RGCC: variants seen among roughly 807,000 people sequenced by gnomAD.
RGCC encodes regulator of cell cycle RGCC.
A neutral mutation model predicts 15.4 loss-of-function variants in RGCC; 15 were observed. The observed-to-expected ratio is 0.97, with a 90% confidence interval of 0.65 to 1.50. The LOEUF is 1.50. RGCC is among the 40% of genes most tolerant of loss of function. The pLI is 0.00. For synonymous variants in RGCC, 81 were observed against 78.0 expected (o/e 1.04, Z -0.20); for missense variants, 176 against 189.7 (o/e 0.93, Z 0.42).
At position 41,458,837 on chromosome 13, in the gene RGCC, G is replaced by A. The variant is rs182831269; in HGVS notation, c.235+367G>A. On this transcript the variant is annotated intron_variant, in intron 2 of 4. Transcript: ENST00000379359. The surrounding 1 kb of genome is among the most constrained non-coding windows in gnomAD (Gnocchi z 4.4). ...TGCAGATGTGGAACAAGTGCCAGTGGAATGAGGGGGCACAGTGGGGACATG... is the reference window on the plus strand; with the variant it reads ...TGCAGATGTGGAACAAGTGCCAGTGAAATGAGGGGGCACAGTGGGGACATG... Among the ~76,000 whole-genome samples, 1 of 152,290 alleles carries A rather than the reference G, an allele frequency of 6.6e-6. No homozygotes were observed. The highest frequency in any genetic ancestry group is 6.5e-5 in the Admixed American group (1 of 15,308).
rs570116579 is a variant in RGCC at position 41,457,571 on chromosome 13, G to A, written c.-137G>A. 6 of 1,377,594 alleles carry A rather than the reference G, an allele frequency of 4.4e-6. No homozygotes were observed. Among genetic ancestry groups the A allele is most frequent in the Non-Finnish European group, 2.8e-6 (3 of 1,062,618 alleles). 85.3% of individuals were successfully genotyped at this position (1,377,594 alleles called of 1,614,324 possible). A position where few individuals can be genotyped will look rare whatever the true frequency, so the allele number is the denominator to read the frequency against. ...TGGTAGGGCGGGCGCGGACCGTGCT[G>A]GGAGCGGCGCGGCTGGAGCGCAGCG... On this transcript the variant is annotated 5_prime_UTR_variant, in exon 1 of 5. Coordinates refer to ENST00000379359, the MANE Select transcript of RGCC (RefSeq NM_014059.3). This position sits in a 1 kb window ranked among gnomAD's most constrained non-coding sequence, Gnocchi z 4.9.
chr13:41,464,897 T>A (rs2043839859), intron 2 of RGCC, among the ~76,000 whole-genome samples: 1 of 150,792 alleles, frequency 6.6e-6, no homozygotes, highest in Non-Finnish European at 1.5e-5. Context: ...TTTGGAAAAG[T>A]GGACAAGATG....
intron 2 of RGCC, among the ~76,000 whole-genome samples, chr13:41,462,660 T>C (rs920435001): frequency 6.6e-6 from 1 of 152,184 alleles, no homozygotes; most frequent in Non-Finnish European, 1.5e-5. Context: ...TACATGAATA[T>C]GTGATCAGCC....
chr13:41,466,703 A>C, intron 2 of RGCC, 120 bp from the exon 3 acceptor site: 4 of 699,400 alleles, frequency 5.7e-6, no homozygotes, highest in Non-Finnish European at 4.9e-6. Context: ...TTTCTTTACT[A>C]TAGAGTTGCA....
In RGCC at chr13:41,466,221, TCACA is replaced by T. The variant is rs367857777; in HGVS notation, c.236-595_236-592del. 7.4e-5 allele frequency among the ~76,000 whole-genome samples: 11 copies of T among 147,774 alleles called. No homozygotes were observed. In the South Asian group the frequency reaches 2.2e-3, roughly 29 times the overall value. ...CACACTCATACACTCACACACTTTC[TCACA>T]CACACATATTCTCACACACACCCAC... On this transcript the variant is annotated intron_variant, in intron 2 of 4. Transcript: ENST00000379359.
intron 2 of RGCC, among the ~76,000 whole-genome samples, chr13:41,459,222 G>A (rs1380694670): frequency 6.6e-6 from 1 of 152,188 alleles, no homozygotes; most frequent in Non-Finnish European, 1.5e-5. Flanking sequence ...GAACTCACAT[G>A]TCCTGGGAGG....
At chr13:41,459,157 CT>C (rs1260452630) in intron 2 of RGCC, among the ~76,000 whole-genome samples, 2 of 152,174 alleles carry the variant, frequency 1.3e-5, no homozygotes, top group Non-Finnish European at 2.9e-5. Context: ...TCCTGAACAA[CT>C]TTGTCAACAA....
intron 2 of RGCC, among the ~76,000 whole-genome samples, chr13:41,461,651 G>T (rs936567872): frequency 6.6e-6 from 1 of 152,188 alleles, no homozygotes; most frequent in Admixed American, 6.5e-5. Flanking sequence ...TGTATGCTAG[G>T]GTTATTATGA....
intron 2 of RGCC, 117 bp from the exon 3 acceptor site, chr13:41,466,706 G>A: frequency 1.4e-6 from 1 of 720,924 alleles, no homozygotes; most frequent in Middle Eastern, 3.1e-4. Context: ...CTTTACTATA[G>A]AGTTGCAGCT....
In RGCC at chr13:41,470,538, G is replaced by A. The variant is rs1394015051; in HGVS notation, c.*53G>A. 8.8e-6 allele frequency: 14 copies of A among 1,583,600 alleles called. No homozygotes were observed. The highest frequency in any genetic ancestry group is 1.7e-4 in the Middle Eastern group (1 of 6,022). On this transcript the variant is annotated 3_prime_UTR_variant, in exon 5 of 5. Coordinates refer to ENST00000379359, the MANE Select transcript of RGCC (RefSeq NM_014059.3). ...TAAGGGAGAAGCTTCAGAAAGTTCC[G>A]AGGACCTGCTAAAATCAGCTACTAG...
At chr13:41,469,955 AC>A (rs1234261995) in intron 4 of RGCC, among the ~76,000 whole-genome samples, 1 of 152,186 alleles carries the variant, frequency 6.6e-6, no homozygotes, top group Non-Finnish European at 1.5e-5. Flanking sequence ...CTGTTTAGTC[AC>A]AGAGTGGGCT....
intron 2 of RGCC, among the ~76,000 whole-genome samples, chr13:41,459,354 A>G (rs2043809571): frequency 6.6e-6 from 1 of 152,234 alleles, no homozygotes; most frequent in Admixed American, 6.5e-5. Context: ...CTTCTGTGTT[A>G]TTCTTCAGCC....
At chr13:41,459,582 A>G (rs990684251) in intron 2 of RGCC, among the ~76,000 whole-genome samples, 2 of 152,236 alleles carry the variant, frequency 1.3e-5, no homozygotes, top group Non-Finnish European at 2.9e-5. Context: ...TGACTCAGGA[A>G]GCTGAGTTCC....
intron 2 of RGCC, among the ~76,000 whole-genome samples, chr13:41,460,651 T>C (rs1472638086): frequency 6.6e-6 from 1 of 152,224 alleles, no homozygotes; most frequent in Non-Finnish European, 1.5e-5. Context: ...GATTGAGCCT[T>C]GTCAAGGCCC....
At chr13:41,459,740 A>G (rs2043811502) in intron 2 of RGCC, among the ~76,000 whole-genome samples, 1 of 152,268 alleles carries the variant, frequency 6.6e-6, no homozygotes, top group Non-Finnish European at 1.5e-5. Context: ...ATTTCAAAGC[A>G]AAGTGTTAAC....
At chr13:41,464,270 T>G (rs1421797052) in intron 2 of RGCC, 1 of 152,602 alleles carries the variant, frequency 6.6e-6, no homozygotes, top group Non-Finnish European at 1.5e-5. Context: ...CAGGACCCTC[T>G]GTGGTTTTCT....
chr13:41,469,877 T>C (rs1385696287), intron 4 of RGCC, among the ~76,000 whole-genome samples: 2 of 152,160 alleles, frequency 1.3e-5, no homozygotes, highest in Non-Finnish European at 2.9e-5. Flanking sequence ...AGGATAAGAT[T>C]GCAAGAGCCA....
At position 41,458,466 on chromosome 13, in the gene RGCC, G is replaced by A. The variant is rs2043804771; in HGVS notation, c.231G>A (p.Ser77=). Residue 77 remains serine (S), a synonymous_variant, in exon 2 of 5, where the codon TCG becomes TCA. Transcript: ENST00000379359. This position sits in a 1 kb window ranked among gnomAD's most constrained non-coding sequence, Gnocchi z 4.4. The part of the protein sequence containing the change: ...SVSDSSGFSD[S]ESADSLYRNS... The stretch of plus-strand genomic sequence containing the variant: ...GCGACAGCAGCGGCTTCAGCGACTC[G>A]GAGAGTAAGTGCGGCCCCCGCTAGG... The A allele has an allele frequency of 6.3e-7, 1 of 1,595,810 alleles. No individual in the cohort carries two copies. Among genetic ancestry groups the A allele is most frequent in the East Asian group, 2.3e-5 (1 of 44,334 alleles).
chr13:41,462,458 G>A (rs185607611), intron 2 of RGCC, among the ~76,000 whole-genome samples: 7 of 152,300 alleles, frequency 4.6e-5, no homozygotes, highest in Non-Finnish European at 1.0e-4. Context: ...ACACTAACTA[G>A]ACTTGCCAGG....
Sources: gnomAD v4.1 joint callset for allele counts (sites outside exome capture counted in the v4.1 genomes callset) on GRCh38, gnomAD v4.1.1 for gene constraint, Gnocchi (gnomAD v3.1) non-coding constraint, MANE v1.5 for transcripts, NCBI Gene and HGNC (gene_info 2026-07-23, HGNC 2026-07-21) for gene names.